The following LEKR1 variants were observed in gnomAD, a reference collection of about 807,000 sequenced individuals.
LEKR1 encodes protein LEKR1.
In LEKR1, 59 loss-of-function variants were observed where a neutral mutation model predicts 72.4. The observed-to-expected ratio is 0.82, with a 90% CI of 0.66 to 1.01. The LOEUF is 1.01. Among genes scored for constraint, LEKR1 ranks in the 50% least tolerant of loss-of-function variants. The probability of loss-of-function intolerance (pLI) is 0.00; values close to 1 mark genes in which losing one functional copy is unlikely to be tolerated. For synonymous variants in LEKR1, 257 were observed against 263.2 expected (o/e 0.98, Z 0.23); for missense variants, 728 against 759.2 (o/e 0.96, Z 0.48).
At chr3:156,919,260 G>A (rs757144225) in intron 3 of LEKR1, among the ~76,000 whole-genome samples, 1 of 152,142 alleles carries the variant, frequency 6.6e-6, no homozygotes, top group Non-Finnish European at 1.5e-5. Flanking sequence ...AAGTGTTTAC[G>A]AGAGAACTAA....
chr3:156,961,592 C>T (rs1728139617), intron 6 of LEKR1, among the ~76,000 whole-genome samples: 2 of 152,158 alleles, frequency 1.3e-5, no homozygotes, highest in Admixed American at 6.6e-5. Flanking sequence ...CATGTTGTAG[C>T]ATATGTAAGT....
At chr3:156,880,844 A>G (rs1448387245) in intron 3 of LEKR1, among the ~76,000 whole-genome samples, 1 of 152,264 alleles carries the variant, frequency 6.6e-6, no homozygotes, top group Non-Finnish European at 1.5e-5. Flanking sequence ...GGCTGGTTCA[A>G]TATATGCAAA....
chr3:156,958,124 A>G (rs968529306), intron 6 of LEKR1, among the ~76,000 whole-genome samples: 6 of 152,160 alleles, frequency 3.9e-5, no homozygotes, highest in African/African-American at 1.2e-4. Flanking sequence ...CCACTTCACT[A>G]CGTACCTATC....
chr3:156,920,265 A>G (rs1171559978), intron 3 of LEKR1, among the ~76,000 whole-genome samples: 4 of 152,108 alleles, frequency 2.6e-5, no homozygotes, highest in Non-Finnish European at 5.9e-5. Flanking sequence ...TTAAATTAAT[A>G]TTTTTAGTTG....
At chr3:157,026,111 C>T (rs1232675745) in intron 11 of LEKR1, among the ~76,000 whole-genome samples, 1 of 152,004 alleles carries the variant, frequency 6.6e-6, no homozygotes, top group Non-Finnish European at 1.5e-5. Flanking sequence ...AAGTGAAATC[C>T]TACTGTGGCA....
At chr3:156,834,484 A>T (rs61052509) in intron 2 of LEKR1, among the ~76,000 whole-genome samples, 64 of 152,346 alleles carry the variant, frequency 4.2e-4, no homozygotes, top group African/African-American at 1.5e-3. Context: ...ACAAAAACAC[A>T]TTCTACTTCC....
chr3:156,917,606 G>A (rs1403453180), intron 3 of LEKR1, among the ~76,000 whole-genome samples: 1 of 152,140 alleles, frequency 6.6e-6, no homozygotes, highest in Non-Finnish European at 1.5e-5. Context: ...ATGGAATGGT[G>A]TCCTAATCTT....
intron 10 of LEKR1, among the ~76,000 whole-genome samples, chr3:157,022,110 C>T (rs761654007): frequency 6.6e-6 from 1 of 152,086 alleles, no homozygotes; most frequent in Non-Finnish European, 1.5e-5. Context: ...CAGGCCAAGG[C>T]AGCAAAGCGA....
intron 5 of LEKR1, among the ~76,000 whole-genome samples, chr3:156,936,397 G>T (rs1375335889): frequency 6.8e-6 from 1 of 148,038 alleles, no homozygotes; most frequent in Admixed American, 6.7e-5. Flanking sequence ...AAAAAACTGG[G>T]GCTTCAGTGT....
chr3:157,023,023 TATTTA>T (rs1224390104), intron 10 of LEKR1, among the ~76,000 whole-genome samples: 1 of 152,226 alleles, frequency 6.6e-6, no homozygotes, highest in Non-Finnish European at 1.5e-5. Flanking sequence ...ATCAGTATTT[TATTTA>T]ATGTAAAGGG....
chr3:157,043,611 C>G (rs145859759), intron 12 of LEKR1, among the ~76,000 whole-genome samples: 1 of 152,190 alleles, frequency 6.6e-6, no homozygotes, highest in Admixed American at 6.5e-5. Context: ...AGTTACATAA[C>G]AGTGTGAGCT....
chr3:156,887,986 A>G (rs1720278005), intron 3 of LEKR1, among the ~76,000 whole-genome samples: 1 of 152,224 alleles, frequency 6.6e-6, no homozygotes. Flanking sequence ...TATCATTAAT[A>G]TGTAGATAAA....
intron 9 of LEKR1, 69 bp from the exon 10 acceptor site, chr3:157,011,344 C>A: frequency 1.9e-6 from 2 of 1,047,510 alleles, no homozygotes; most frequent in Non-Finnish European, 1.5e-6. Context: ...TCTCCCGACC[C>A]AGGAACTACA....
intron 5 of LEKR1, among the ~76,000 whole-genome samples, chr3:156,928,394 G>A (rs1367873759): frequency 6.6e-6 from 1 of 151,954 alleles, no homozygotes. Flanking sequence ...GAGAGAGGGG[G>A]ATATGGGAAT....
At chr3:156,867,028 T>C (rs1238314859) in intron 3 of LEKR1, among the ~76,000 whole-genome samples, 1 of 152,120 alleles carries the variant, frequency 6.6e-6, no homozygotes, top group African/African-American at 2.4e-5. Context: ...GAGAGAAGCC[T>C]CTGGACTTAA....
chr3:157,036,869 T>C (rs1482858), intron 12 of LEKR1, among the ~76,000 whole-genome samples: 37,040 of 152,024 alleles, frequency 0.24, 5,892 homozygotes, highest in East Asian at 0.54. Flanking sequence ...TTTACACTTC[T>C]GTAAGTTTGG....
intron 3 of LEKR1, among the ~76,000 whole-genome samples, chr3:156,872,199 A>G (rs1254139227): frequency 6.6e-6 from 1 of 151,356 alleles, no homozygotes; most frequent in African/African-American, 2.4e-5. Flanking sequence ...AAATTTTTTC[A>G]TTCCCTCTAG....
chr3:156,938,344 T>A (rs1383165371), intron 5 of LEKR1, among the ~76,000 whole-genome samples: 1 of 152,182 alleles, frequency 6.6e-6, no homozygotes, highest in Non-Finnish European at 1.5e-5. Context: ...AATTTATACT[T>A]ATTTCAAAAT....
In LEKR1 at chr3:156,895,308, G is replaced by A. The variant is rs772277288; in HGVS notation, c.264-25267G>A. ...AAGCTCAACATCACTGATCATTAGA[G>A]AAATGCAAATCAAAACCACAATGAG... On this transcript the variant is annotated intron_variant, in intron 3 of 12. Transcript: ENST00000356539. Among the ~76,000 whole-genome samples the A allele has an allele frequency of 2.0e-5, 3 of 152,182 alleles. 1 individual carries two copies. Among genetic ancestry groups the A allele is most frequent in the Non-Finnish European group, 4.4e-5 (3 of 68,028 alleles).
Sources: allele counts gnomAD v4.1 joint callset (sites outside exome capture counted in the v4.1 genomes callset), GRCh38; gene constraint gnomAD v4.1.1; transcripts MANE v1.5; gene names NCBI Gene and HGNC (gene_info 2026-07-23, HGNC 2026-07-21).